STIM1: variants seen among roughly 807,000 people sequenced by gnomAD.
STIM1 encodes the protein stromal interaction molecule 1.
A neutral mutation model predicts 74.7 loss-of-function variants in STIM1; 25 were observed. The ratio of observed to expected loss-of-function variants is 0.33; its 90% CI spans 0.24 to 0.47. The LOEUF is 0.47. Among genes scored for constraint, STIM1 ranks in the 20% least tolerant of loss-of-function variants. The probability of loss-of-function intolerance (pLI) is 1.00; values close to 1 mark genes in which losing one functional copy is unlikely to be tolerated. For missense variants in STIM1, 728 were observed against 920.8 expected (o/e 0.79, Z 2.71); for synonymous variants, 328 against 348.8 (o/e 0.94, Z 0.66).
At chr11:3,890,887 T>G (rs1197300780) in intron 1 of STIM1, among the ~76,000 whole-genome samples, 1 of 152,144 alleles carries the variant, frequency 6.6e-6, no homozygotes, top group East Asian at 1.9e-4. Context: ...GCCAGAAGTC[T>G]AAAGCTCCAT....
intron 3 of STIM1, among the ~76,000 whole-genome samples, chr11:4,048,392 A>C (rs188073749): frequency 5.3e-5 from 8 of 152,350 alleles, no homozygotes; most frequent in Admixed American, 5.2e-4. Context: ...ATAAGTGTAA[A>C]CAAAAACAGA....
intron 1 of STIM1, among the ~76,000 whole-genome samples, chr11:3,864,515 G>T (rs969695364): frequency 1.3e-5 from 2 of 152,212 alleles, no homozygotes; most frequent in African/African-American, 4.8e-5. Context: ...TCTACACTGG[G>T]CTATACTGGA....
chr11:3,942,925 A>G (rs1305889306), intron 1 of STIM1, among the ~76,000 whole-genome samples: 1 of 152,186 alleles, frequency 6.6e-6, no homozygotes, highest in African/African-American at 2.4e-5. Flanking sequence ...TAATGCTTAG[A>G]GCTTTTTGAG....
chr11:3,966,042 A>G (rs1470045114), intron 1 of STIM1, among the ~76,000 whole-genome samples: 1 of 152,062 alleles, frequency 6.6e-6, no homozygotes, highest in Non-Finnish European at 1.5e-5. Flanking sequence ...AAAACCAAAA[A>G]AAACCCCATT....
At chr11:4,069,322 G>T (rs1032246374) in intron 5 of STIM1, among the ~76,000 whole-genome samples, 5 of 152,126 alleles carry the variant, frequency 3.3e-5, no homozygotes, top group Admixed American at 2.0e-4. Flanking sequence ...GCTGGTGGCT[G>T]GGGCCCTCGT....
chr11:4,022,977 G>C (rs2093969782), intron 2 of STIM1, among the ~76,000 whole-genome samples: 1 of 152,210 alleles, frequency 6.6e-6, no homozygotes. Context: ...CTATATTAAA[G>C]GGGAGGGAAA....
At chr11:3,867,388 C>G (rs2135245619) in intron 1 of STIM1, 1 of 152,344 alleles carries the variant, frequency 6.6e-6, no homozygotes, top group Non-Finnish European at 1.5e-5. Context: ...TAGGCAAGGC[C>G]TTCTTGGGTC....
intron 2 of STIM1, among the ~76,000 whole-genome samples, chr11:3,993,150 C>T (rs1400490975): frequency 6.6e-6 from 1 of 152,026 alleles, no homozygotes; most frequent in African/African-American, 2.4e-5. Flanking sequence ...ACAGTCTCCA[C>T]AAAAGTTAGC....
chr11:4,000,621 C>T (rs1324442690), intron 2 of STIM1, among the ~76,000 whole-genome samples: 2 of 151,052 alleles, frequency 1.3e-5, no homozygotes, highest in East Asian at 2.0e-4. Flanking sequence ...GTAGATAAAA[C>T]CACAAAGATA....
Position 4,054,324 on chromosome 11 carries a change from C to G in STIM1, c.386-1202C>G, listed in dbSNP as rs533427639. On this transcript the variant is annotated intron_variant, in intron 3 of 12. Transcript: ENST00000526596. ...CTAGTAGCTATCTTAGCATGGTAGT[C>G]AAGACTCTTTGTGACATGGCTTCAA... Among the ~76,000 whole-genome samples, 26 of 152,280 alleles carry G rather than the reference C, an allele frequency of 1.7e-4. 1 individual carries two copies. The highest frequency in any genetic ancestry group is 1.5e-4 in the Non-Finnish European group (10 of 68,024).
intron 10 of STIM1, chr11:4,083,786 C>T (rs958558422): frequency 1.3e-5 from 5 of 376,564 alleles, no homozygotes; most frequent in African/African-American, 8.0e-5. Flanking sequence ...ACTCTATCTA[C>T]CTTTATAAAA....
chr11:4,058,327 G>A (rs1019678325), intron 4 of STIM1, among the ~76,000 whole-genome samples: 9 of 152,268 alleles, frequency 5.9e-5, no homozygotes, highest in South Asian at 2.1e-4. Flanking sequence ...GCCTCACTGC[G>A]TCTCTTACTG....
At chr11:3,904,403 G>C (rs2092425181) in intron 1 of STIM1, among the ~76,000 whole-genome samples, 1 of 151,874 alleles carries the variant, frequency 6.6e-6, no homozygotes, top group Admixed American at 6.6e-5. Flanking sequence ...CTGGAGTGTT[G>C]GACTACTTGG....
chr11:4,029,437 A>G (rs887541038), intron 3 of STIM1, among the ~76,000 whole-genome samples: 8 of 151,816 alleles, frequency 5.3e-5, no homozygotes, highest in Admixed American at 3.3e-4. Context: ...CATTTTCTCC[A>G]TGTCTGCACG....
In STIM1 at chr11:4,084,618, G is replaced by A. The variant is rs1590698512; in HGVS notation, c.1475-55G>A. ...TCCTTTATTACATTGATGGCAGGCCGAAGCCCTCCATAAATCAGATTCTCT... is the reference window on the plus strand; with the variant it reads ...TCCTTTATTACATTGATGGCAGGCCAAAGCCCTCCATAAATCAGATTCTCT... On this transcript the variant is annotated intron_variant, in intron 10 of 12. Coordinates refer to ENST00000526596, the MANE Select transcript of STIM1 (RefSeq NM_001382567.1). 7.9e-6 allele frequency: 10 copies of A among 1,264,798 alleles called. No individual in the cohort carries two copies. The East Asian group carries it at 3.9e-4, about 50-fold the overall frequency. 78.3% of individuals were successfully genotyped at this position (1,264,798 alleles called of 1,614,324 possible). A position where few individuals can be genotyped will look rare whatever the true frequency, so the allele number is the denominator to read the frequency against.
In STIM1 at chr11:4,018,627, A is replaced by G. The variant is rs932172296; in HGVS notation, c.271-5246A>G. Among the ~76,000 whole-genome samples, 5 of 150,466 alleles carry G rather than the reference A, an allele frequency of 3.3e-5. 1 individual carries two copies. Among genetic ancestry groups the G allele is most frequent in the African/African-American group, 1.2e-4 (5 of 40,632 alleles). On this transcript the variant is annotated intron_variant, in intron 2 of 12. Transcript: ENST00000526596. ...GCCCCTGCACTCCAGCCTGGGCAATAAGAATGAAACTCTGTCTCAAAAAAA... is the reference window on the plus strand; with the variant it reads ...GCCCCTGCACTCCAGCCTGGGCAATGAGAATGAAACTCTGTCTCAAAAAAA...
chr11:4,040,629 C>T (rs2094140660), intron 3 of STIM1, among the ~76,000 whole-genome samples: 1 of 152,246 alleles, frequency 6.6e-6, no homozygotes, highest in South Asian at 2.1e-4. Context: ...TCTCTTAATA[C>T]TTAGCACAGG....
In STIM1 at chr11:3,887,389, A is replaced by G. The variant is rs1022689668; in HGVS notation, c.139+30980A>G. Among the ~76,000 whole-genome samples, 48 of 152,220 alleles carry G rather than the reference A, an allele frequency of 3.2e-4. 2 individuals carry two copies. The highest frequency in any genetic ancestry group is 1.3e-4 in the Admixed American group (2 of 15,288). On this transcript the variant is annotated intron_variant, in intron 1 of 12. Transcript: ENST00000526596. The stretch of plus-strand genomic sequence containing the variant: ...ATTATGAAACCTGGGCCATACATCT[A>G]GAAGTGCTTAATATATTGTGAGAGG...
chr11:4,053,154 A>G lies in STIM1; in HGVS notation c.386-2372A>G, dbSNP rs370249413. On this transcript the variant is annotated intron_variant, in intron 3 of 12. Coordinates refer to ENST00000526596, the MANE Select transcript of STIM1 (RefSeq NM_001382567.1). ...GGTGGGACTGTAAACTAGTTTAACC[A>G]TTGTGGAAGACAGTGTGGTGATTCC... Among the ~76,000 whole-genome samples, 5 of 152,252 alleles carry G rather than the reference A, an allele frequency of 3.3e-5. No individual in the cohort carries two copies. In the East Asian group the frequency reaches 7.7e-4, roughly 23 times the overall value.
Sources: gnomAD v4.1 joint callset for allele counts (sites outside exome capture counted in the v4.1 genomes callset) on GRCh38, gnomAD v4.1.1 for gene constraint, MANE v1.5 for transcripts, NCBI Gene and HGNC (gene_info 2026-07-23, HGNC 2026-07-21) for gene names.